Variants in IPO5 observed in about 807,000 individuals in gnomAD.
The protein encoded by IPO5 is importin 5.
IPO5 carries 18 observed loss-of-function variants against 143.3 expected under a neutral mutation model. That is an observed-to-expected ratio of 0.13 (90% CI 0.09 to 0.19). The LOEUF (loss-of-function observed/expected upper bound fraction) is 0.19. Ranked by LOEUF, IPO5 falls within the 10% of genes least tolerant of loss-of-function variation. The probability of loss-of-function intolerance (pLI) is 1.00; values close to 1 mark genes in which losing one functional copy is unlikely to be tolerated. For synonymous variants in IPO5, 477 were observed against 465.7 expected, an observed-to-expected ratio of 1.02 and a Z score of -0.31; for missense variants, 1,013 against 1,336.9, an observed-to-expected ratio of 0.76 and a Z score of 3.78.
chr13:97,975,939 G>C lies in IPO5; in HGVS notation c.-4-754G>C, dbSNP rs1207573380. 4 of 985,578 alleles carry C rather than the reference G, an allele frequency of 4.1e-6. No homozygotes were observed. In the East Asian group the frequency reaches 3.4e-4, roughly 84 times the overall value. 61.1% of individuals were successfully genotyped at this position (985,578 alleles called of 1,614,324 possible). A position where few individuals can be genotyped will look rare whatever the true frequency, so the allele number is the denominator to read the frequency against. ...GCGCGACGGGAGGAAGGGGCGCCCT[G>C]AGTCCACAGCCCTGGGGGAGGTCGG... On this transcript the variant is annotated intron_variant, in intron 3 of 28. Transcript: ENST00000651721.
rs144194122 is a variant in IPO5 at position 97,985,588 on chromosome 13, G to T, written c.339G>T (p.Ala113=). ...TGAGGAAAAAAGTTTGTGATATTGC[G>T]GCAGAACTGGCCAGGAATTTAATAG... The part of the protein sequence containing the change: ...SSMRKKVCDI[A]AELARNLIDE... The change falls in exon 6 of 29, where the codon GCG becomes GCT. Residue 113 remains alanine, a synonymous_variant. Coordinates refer to ENST00000651721, the MANE Select transcript of IPO5 (RefSeq NM_002271.6). 2 of 1,613,238 alleles carry T rather than the reference G, an allele frequency of 1.2e-6. No individual in the cohort carries two copies. The highest frequency in any genetic ancestry group is 2.7e-5 in the African/African-American group (2 of 74,676).
chr13:97,982,727 C>T, intron 5 of IPO5, 144 bp downstream of exon 5: 2 of 626,576 alleles, frequency 3.2e-6, no homozygotes, highest in Non-Finnish European at 5.5e-6. Context: ...CTAAAAGCTA[C>T]TTAGGAGTTA....
rs144536996 is a variant in IPO5, at chr13:97,957,149, G to A, written c.-113+2951G>A. Among the ~76,000 whole-genome samples, 55 of 152,058 alleles carry A rather than the reference G, an allele frequency of 3.6e-4. 1 individual carries two copies. The highest frequency in any genetic ancestry group is 7.9e-4 in the Admixed American group (12 of 15,258). ...TAGAAAAATCCTTAGATTAAGATGG[G>A]AGGAAGATGGTCTTTTGACCTCTTA... On this transcript the variant is annotated intron_variant, in intron 2 of 28. Coordinates refer to ENST00000651721, the MANE Select transcript of IPO5 (RefSeq NM_002271.6).
In IPO5 at chr13:97,990,526, G is replaced by A; in HGVS notation, c.658G>A (p.Gly220Arg). ...CAAACATTTTGCAGACTTGCTACCG[G>A]GATTCCTACAGGTATGAAAGCAATA... ...LFKHFADLLPGFLQAVNDSCY... is the reference protein window; with the variant it reads ...LFKHFADLLPRFLQAVNDSCY... The change falls in exon 9 of 29, where the codon GGA becomes AGA. Residue 220 changes from glycine (G) to arginine (R), a missense_variant. This residue lies in a region of IPO5 where 328 missense variants were observed against 342.0 expected (regional missense o/e 0.96). Transcript: ENST00000651721. 1 of 1,577,112 alleles carries A rather than the reference G, an allele frequency of 6.3e-7. No individual in the cohort carries two copies. Among genetic ancestry groups the A allele is most frequent in the Non-Finnish European group, 8.6e-7 (1 of 1,160,374 alleles).
At position 98,000,627 on chromosome 13, in the gene IPO5, A is replaced by G. The variant is rs1395855074; in HGVS notation, c.1090A>G (p.Met364Val). 1.9e-6 allele frequency: 3 copies of G among 1,613,516 alleles called. No individual in the cohort carries two copies. Among genetic ancestry groups the G allele is most frequent in the Non-Finnish European group, 2.5e-6 (3 of 1,179,478 alleles). The change falls in exon 13 of 29, where the codon ATG becomes GTG. Residue 364 changes from methionine (M) to valine (V), a missense_variant. By Grantham distance (21) the Met-to-Val change is conservative (BLOSUM62 1). This residue lies in a region of IPO5 where 685 missense variants were observed against 994.9 expected (regional missense o/e 0.69). Transcript: ENST00000651721. ...TCTGCCGATGATCAAGGAACACATT[A>G]TGCAAATGCTTCAAAATCGTAAGCT... is the stretch of plus-strand genomic sequence containing the variant. ...LVLPMIKEHI[M>V]QMLQNPDWKY...
intron 6 of IPO5, among the ~76,000 whole-genome samples, chr13:97,988,462 G>T (rs1021166226): frequency 6.6e-6 from 1 of 152,188 alleles, no homozygotes; most frequent in Admixed American, 6.5e-5. Flanking sequence ...AGTTAAAAGT[G>T]CTGCCTTCTC....
intron 2 of IPO5, among the ~76,000 whole-genome samples, chr13:97,962,196 T>C (rs372166437): frequency 4.0e-5 from 6 of 151,768 alleles, no homozygotes; most frequent in East Asian, 1.9e-4. Context: ...TTCTTGATGG[T>C]GTCCTTAAAA....
chr13:97,997,132 T>C (rs1249707046), intron 11 of IPO5, among the ~76,000 whole-genome samples: 2 of 152,206 alleles, frequency 1.3e-5, no homozygotes, highest in Non-Finnish European at 2.9e-5. Context: ...GAGGTACATA[T>C]ATTATGAAAC....
intron 18 of IPO5, among the ~76,000 whole-genome samples, chr13:98,009,307 AC>A (rs1889514813): frequency 6.6e-6 from 1 of 152,204 alleles, no homozygotes; most frequent in Non-Finnish European, 1.5e-5. Context: ...GGTGAATGGA[AC>A]CAGATTCTCT....
chr13:98,003,992 A>T (rs1889006353), intron 16 of IPO5, among the ~76,000 whole-genome samples: 2 of 152,244 alleles, frequency 1.3e-5, no homozygotes, highest in South Asian at 4.1e-4. Context: ...AAGGGATGCA[A>T]CCTGAAAACA....
intron 7 of IPO5, 95 bp downstream of exon 7, chr13:97,989,259 T>A: frequency 1.6e-6 from 1 of 634,366 alleles, no homozygotes; most frequent in Non-Finnish European, 2.6e-6. Flanking sequence ...AACCTTATAC[T>A]TAAAATGATA....
intron 5 of IPO5, among the ~76,000 whole-genome samples, chr13:97,985,188 A>G (rs1887220051): frequency 2.0e-5 from 3 of 152,208 alleles, no homozygotes; most frequent in Non-Finnish European, 4.4e-5. Flanking sequence ...CATTGCTAAA[A>G]TATGTGTTCC....
intron 3 of IPO5, among the ~76,000 whole-genome samples, chr13:97,973,052 T>G (rs1489067105): frequency 2.1e-5 from 3 of 144,266 alleles, no homozygotes; most frequent in African/African-American, 7.7e-5. Context: ...TTTTTTTTTT[T>G]TTTTTTTTGA....
intron 28 of IPO5, chr13:98,021,421 G>T (rs1436215873): frequency 2.8e-6 from 1 of 352,340 alleles, no homozygotes; most frequent in Non-Finnish European, 5.0e-6. Context: ...AAAAAAACAA[G>T]ATTTAATAAT....
intron 4 of IPO5, chr13:97,981,510 T>C (rs1886844669): frequency 3.9e-6 from 1 of 254,640 alleles, no homozygotes; most frequent in African/African-American, 2.3e-5. Context: ...AATAGCCTTG[T>C]TTTTCCTCCC....
At chr13:97,997,486 A>G (rs568379) in intron 11 of IPO5, 45 bp from the exon 12 acceptor site, 1 of 1,061,714 alleles carries the variant, frequency 9.4e-7, no homozygotes, top group Non-Finnish European at 1.4e-6. Context: ...GATATGGATA[A>G]GATAAAGTCA....
rs1470226480 is a variant in IPO5 at position 98,007,992 on chromosome 13, G to T, written c.1717-67G>T. On this transcript the variant is annotated intron_variant, in intron 17 of 28. Coordinates refer to ENST00000651721, the MANE Select transcript of IPO5 (RefSeq NM_002271.6). ...GCAATGTAGTCGATTTTTTGGCAAA[G>T]CTTTGCTAATTACACAAGAAACAAA... The T allele has an allele frequency of 4.2e-6, 4 of 941,582 alleles. No individual in the cohort carries two copies. In the African/African-American group the frequency reaches 4.9e-5, roughly 12 times the overall value. The allele number at this position is 941,582 out of a possible 1,614,324, so 58.3% of individuals were successfully genotyped here. A position where few individuals can be genotyped will look rare whatever the true frequency, so the allele number is the denominator to read the frequency against.
chr13:98,016,973 T>G, intron 25 of IPO5, 122 bp downstream of exon 25: 1 of 710,644 alleles, frequency 1.4e-6, no homozygotes, highest in Non-Finnish European at 2.2e-6. Context: ...CCATTGTACA[T>G]CTTTGATTTT....
At chr13:97,992,192 C>T (rs1476554504) in intron 9 of IPO5, among the ~76,000 whole-genome samples, 1 of 152,022 alleles carries the variant, frequency 6.6e-6, no homozygotes, top group Non-Finnish European at 1.5e-5. Flanking sequence ...AAATCTAATC[C>T]CGGTTTTCTT....
Sources: allele counts gnomAD v4.1 joint callset (sites outside exome capture counted in the v4.1 genomes callset), GRCh38; gene constraint gnomAD v4.1.1; regional missense constraint gnomAD v4.1.1; transcripts MANE v1.5; gene names NCBI Gene and HGNC (gene_info 2026-07-23, HGNC 2026-07-21).